Variants in DGKB observed in about 807,000 individuals in gnomAD.
DGKB encodes diacylglycerol kinase beta, also known as 90 kDa diacylglycerol kinase.
Under a neutral mutation model 114.3 loss-of-function variants are expected in DGKB, and 67 were observed. That is an observed-to-expected ratio of 0.59 (90% CI 0.48 to 0.72). DGKB has a LOEUF of 0.72. Ranked by LOEUF, DGKB falls within the 30% of genes least tolerant of loss-of-function variation. The probability of loss-of-function intolerance (pLI) is 0.00; values close to 1 mark genes in which losing one functional copy is unlikely to be tolerated. For missense variants in DGKB, 907 were observed against 975.2 expected, an observed-to-expected ratio of 0.93 and a Z score of 0.93; for synonymous variants, 398 against 323.1, an observed-to-expected ratio of 1.23 and a Z score of -2.49.
chr7:14,637,337 T>G (rs1258658644), intron 13 of DGKB, among the ~76,000 whole-genome samples: 1 of 151,940 alleles, frequency 6.6e-6, no homozygotes, highest in Non-Finnish European at 1.5e-5. Context: ...GTTCTGGTAA[T>G]AAAAATTTGG....
chr7:14,187,416 G>A (rs1209020423), intron 23 of DGKB, among the ~76,000 whole-genome samples: 3 of 152,134 alleles, frequency 2.0e-5, no homozygotes, highest in Non-Finnish European at 4.4e-5. Context: ...AAATACCATT[G>A]CAGGAATGCC....
upstream of DGKB, among the ~76,000 whole-genome samples, chr7:14,906,673 G>A (rs1012115864): frequency 2.0e-5 from 3 of 151,844 alleles, no homozygotes; most frequent in Admixed American, 6.6e-5. Context: ...GGCTGGTCTC[G>A]AACTCCTGAC....
intron 21 of DGKB, among the ~76,000 whole-genome samples, chr7:14,359,628 G>A (rs1387711880): frequency 6.6e-6 from 1 of 151,916 alleles, no homozygotes; most frequent in African/African-American, 2.4e-5. Flanking sequence ...AAGATAAAAA[G>A]CAAACAACCC....
intron 20 of DGKB, among the ~76,000 whole-genome samples, chr7:14,479,840 T>G (rs1563281283): frequency 1.3e-5 from 2 of 152,044 alleles, no homozygotes; most frequent in East Asian, 1.9e-4. Flanking sequence ...CCTAATCTGG[T>G]ACAAAATCAA....
At chr7:14,228,114 A>G (rs1439795338) in intron 23 of DGKB, among the ~76,000 whole-genome samples, 2 of 152,030 alleles carry the variant, frequency 1.3e-5, no homozygotes, top group East Asian at 3.9e-4. Flanking sequence ...GAGGGTTATT[A>G]TATCATCAGC....
intron 13 of DGKB, among the ~76,000 whole-genome samples, chr7:14,633,767 T>C (rs1417151133): frequency 6.6e-6 from 1 of 151,744 alleles, no homozygotes; most frequent in Non-Finnish European, 1.5e-5. Context: ...TACAGAGGAA[T>C]GTGATTGATT....
chr7:14,259,379 T>TTC (rs752185464), intron 23 of DGKB, among the ~76,000 whole-genome samples: 2,264 of 142,266 alleles, frequency 0.016, 22 homozygotes, highest in East Asian at 0.057. Flanking sequence ...CTAGTAAAGT[T>TTC]TCTCTCTCTC....
chr7:14,534,178 A>G (rs1792046047), intron 20 of DGKB, among the ~76,000 whole-genome samples: 1 of 152,098 alleles, frequency 6.6e-6, no homozygotes, highest in Admixed American at 6.6e-5. Flanking sequence ...CGTGGAGGAG[A>G]ATAAAAGTAT....
At chr7:14,358,163 C>G (rs1176090175) in intron 21 of DGKB, among the ~76,000 whole-genome samples, 1 of 152,134 alleles carries the variant, frequency 6.6e-6, no homozygotes, top group African/African-American at 2.4e-5. Flanking sequence ...GGGAACTTCT[C>G]CTGGATAATA....
At chr7:14,734,458 A>C (rs896573325) in intron 5 of DGKB, among the ~76,000 whole-genome samples, 5 of 152,130 alleles carry the variant, frequency 3.3e-5, no homozygotes, top group African/African-American at 1.2e-4. Context: ...AATAATTTTC[A>C]TAACGGTATT....
At chr7:14,274,942 AGTGTGTGTGT>A (rs10538591) in intron 23 of DGKB, among the ~76,000 whole-genome samples, 18 of 146,400 alleles carry the variant, frequency 1.2e-4, no homozygotes, top group East Asian at 1.0e-3. Context: ...AGTCCATAGC[AGTGTGTGTGT>A]GTGTGTGTGT....
chr7:14,359,925 C>G (rs1287498255), intron 21 of DGKB, among the ~76,000 whole-genome samples: 1 of 151,944 alleles, frequency 6.6e-6, no homozygotes, highest in Non-Finnish European at 1.5e-5. Flanking sequence ...AAGGATCTAG[C>G]ACTAGAAATA....
intron 2 of DGKB, among the ~76,000 whole-genome samples, chr7:14,825,404 C>A (rs762532890): frequency 2.6e-5 from 4 of 152,088 alleles, no homozygotes; most frequent in Non-Finnish European, 5.9e-5. Flanking sequence ...GGGAGCCCTA[C>A]GCTTGTTTTC....
intron 12 of DGKB, among the ~76,000 whole-genome samples, chr7:14,678,928 A>T (rs1486000338): frequency 6.6e-6 from 1 of 152,078 alleles, no homozygotes. Flanking sequence ...AGAGTAAAAA[A>T]AATTGACTTC....
At chr7:14,582,473 G>A (rs1800081863) in intron 18 of DGKB, among the ~76,000 whole-genome samples, 1 of 152,150 alleles carries the variant, frequency 6.6e-6, no homozygotes, top group Admixed American at 6.5e-5. Context: ...AGCTCTCTCA[G>A]TTCACAGCTA....
chr7:14,487,038 G>T (rs1004312012), intron 20 of DGKB, among the ~76,000 whole-genome samples: 21 of 152,048 alleles, frequency 1.4e-4, no homozygotes, highest in African/African-American at 5.1e-4. Context: ...TTTCATAATG[G>T]CAAGAGTCAT....
At chr7:14,776,982 C>T (rs991622741) in intron 2 of DGKB, among the ~76,000 whole-genome samples, 1 of 152,192 alleles carries the variant, frequency 6.6e-6, no homozygotes, top group Non-Finnish European at 1.5e-5. Context: ...ATTCCCAAGG[C>T]TCTGTGAGTC....
At chr7:14,805,581 C>A (rs1842695169) in intron 2 of DGKB, among the ~76,000 whole-genome samples, 1 of 151,992 alleles carries the variant, frequency 6.6e-6, no homozygotes, top group Non-Finnish European at 1.5e-5. Flanking sequence ...AAGCAAAGTC[C>A]AACATGTGTG....
At chr7:14,929,353 T>G (rs559433325) in intron 1 of DGKB, among the ~76,000 whole-genome samples, 1 of 152,092 alleles carries the variant, frequency 6.6e-6, no homozygotes, top group Admixed American at 6.6e-5. Context: ...CCATCAACAG[T>G]GTATAAATGT....
Sources: allele counts gnomAD v4.1 joint callset (sites outside exome capture counted in the v4.1 genomes callset), GRCh38; gene constraint gnomAD v4.1.1; transcripts MANE v1.5; gene names NCBI Gene and HGNC (gene_info 2026-07-23, HGNC 2026-07-21).